SWT1: variants seen among roughly 807,000 people sequenced by gnomAD.
SWT1 encodes the protein SWT1 RNA endoribonuclease homolog.
Under a neutral mutation model 107.3 loss-of-function variants are expected in SWT1, and 33 were observed. The ratio of observed to expected loss-of-function variants is 0.31; its 90% CI spans 0.23 to 0.41. The LOEUF (loss-of-function observed/expected upper bound fraction) is 0.41. Ranked by LOEUF, SWT1 falls within the 10% of genes least tolerant of loss-of-function variation. The pLI, the probability that SWT1 is intolerant of heterozygous loss-of-function variation, is 1.00. For missense variants in SWT1, 898 were observed against 1,028.9 expected (o/e 0.87, Z 1.74); for synonymous variants, 345 against 348.3 (o/e 0.99, Z 0.11).
intron 12 of SWT1, 23 bp from the exon 13 acceptor site, chr1:185,206,602 A>AT (rs764327976): frequency 7.1e-7 from 1 of 1,409,320 alleles, no homozygotes; most frequent in Non-Finnish European, 9.4e-7. Flanking sequence ...AGAGATGTTA[A>AT]TTTTTTTCTA....
intron 6 of SWT1, 133 bp downstream of exon 6, chr1:185,180,583 T>G: frequency 1.4e-6 from 1 of 694,864 alleles, no homozygotes; most frequent in Non-Finnish European, 2.4e-6. Flanking sequence ...AATCAATATG[T>G]AAGGTTTTAT....
intron 16 of SWT1, chr1:185,257,836 T>C (rs1317798757): frequency 6.6e-6 from 1 of 152,266 alleles, no homozygotes; most frequent in Non-Finnish European, 1.5e-5. Context: ...TGATTATTGG[T>C]ATATTGTATT....
chr1:185,254,615 T>A (rs1269167820), intron 16 of SWT1, among the ~76,000 whole-genome samples: 2 of 150,866 alleles, frequency 1.3e-5, no homozygotes, highest in Non-Finnish European at 3.0e-5. Context: ...TCTGTGGGAT[T>A]GGTGGTGATA....
chr1:185,270,206 C>G (rs1320345908), intron 16 of SWT1, among the ~76,000 whole-genome samples: 2 of 150,552 alleles, frequency 1.3e-5, no homozygotes, highest in East Asian at 3.9e-4. Flanking sequence ...GGTCACACAG[C>G]TAGACAAAAC....
chr1:185,259,663 A>G (rs1662886476), intron 16 of SWT1, among the ~76,000 whole-genome samples: 1 of 152,084 alleles, frequency 6.6e-6, no homozygotes. Flanking sequence ...TCCTGGGGAC[A>G]TTGACCTTAA....
intron 11 of SWT1, 130 bp downstream of exon 11, chr1:185,202,929 C>G: frequency 2.2e-6 from 1 of 458,482 alleles, no homozygotes; most frequent in Non-Finnish European, 3.7e-6. Context: ...TACTTGCTGG[C>G]ATGTAAGTCA....
At chr1:185,192,065 A>G (rs575030195) in intron 10 of SWT1, among the ~76,000 whole-genome samples, 1 of 152,296 alleles carries the variant, frequency 6.6e-6, no homozygotes, top group East Asian at 1.9e-4. Context: ...CTTAAAATGG[A>G]TGATGATAAT....
chr1:185,201,731 TCC>T (rs966339297), intron 10 of SWT1, among the ~76,000 whole-genome samples: 2 of 152,194 alleles, frequency 1.3e-5, no homozygotes, highest in African/African-American at 4.8e-5. Flanking sequence ...GAGCACTCTC[TCC>T]CTTAACTTTC....
chr1:185,187,761 T>C (rs1361844680), intron 9 of SWT1, among the ~76,000 whole-genome samples: 1 of 152,194 alleles, frequency 6.6e-6, no homozygotes, highest in Non-Finnish European at 1.5e-5. Context: ...CTCAGCTCAC[T>C]GCAATCTCCG....
intron 18 of SWT1, among the ~76,000 whole-genome samples, chr1:185,288,007 T>A (rs1410517016): frequency 2.0e-5 from 3 of 152,190 alleles, no homozygotes; most frequent in Non-Finnish European, 4.4e-5. Flanking sequence ...CTGAAGGATA[T>A]TTTTTTCACA....
intron 9 of SWT1, 113 bp downstream of exon 9, chr1:185,185,044 A>T: frequency 1.4e-6 from 1 of 696,002 alleles, no homozygotes; most frequent in Non-Finnish European, 2.2e-6. Context: ...TTGGAATGTG[A>T]AATGGAAGGG....
intron 16 of SWT1, among the ~76,000 whole-genome samples, chr1:185,254,647 G>T (rs1413983010): frequency 2.0e-5 from 3 of 151,920 alleles, no homozygotes; most frequent in Admixed American, 2.0e-4. Context: ...ATTTTTTATT[G>T]TGTCTATTTG....
chr1:185,169,799 G>A (rs1276661878), intron 4 of SWT1, among the ~76,000 whole-genome samples: 1 of 149,154 alleles, frequency 6.7e-6, no homozygotes, highest in Non-Finnish European at 1.5e-5. Flanking sequence ...TTTTTTTACA[G>A]CTAAACTAAA....
intron 16 of SWT1, among the ~76,000 whole-genome samples, chr1:185,238,716 AT>A (rs991404610): frequency 1.0e-3 from 156 of 149,174 alleles, no homozygotes; most frequent in East Asian, 2.9e-3. Flanking sequence ...AAAATTGTGA[AT>A]TTTTTTTTTT....
chr1:185,290,201 C>T (rs549629110), intron 18 of SWT1, among the ~76,000 whole-genome samples: 1 of 152,214 alleles, frequency 6.6e-6, no homozygotes, highest in South Asian at 2.1e-4. Flanking sequence ...CACTTGAGCC[C>T]AGGAGGTTGA....
chr1:185,248,577 C>T (rs952825834), intron 16 of SWT1, among the ~76,000 whole-genome samples: 1 of 152,104 alleles, frequency 6.6e-6, no homozygotes, highest in Non-Finnish European at 1.5e-5. Context: ...TACACTCCCC[C>T]TCTGGTCTGT....
intron 14 of SWT1, among the ~76,000 whole-genome samples, chr1:185,219,422 G>T (rs937289336): frequency 2.0e-5 from 3 of 152,012 alleles, no homozygotes; most frequent in African/African-American, 7.2e-5. Flanking sequence ...CATAACAAAT[G>T]CTCAATAAAT....
At chr1:185,202,574 A>T (rs1220525865) in intron 10 of SWT1, 80 bp from the exon 11 acceptor site, 5 of 1,221,962 alleles carry the variant, frequency 4.1e-6, no homozygotes, top group Non-Finnish European at 5.9e-6. Flanking sequence ...CTCTGACTAG[A>T]TCTCATGTGT....
At chr1:185,172,204 A>G (rs943844505) in intron 4 of SWT1, among the ~76,000 whole-genome samples, 4 of 152,190 alleles carry the variant, frequency 2.6e-5, no homozygotes, top group Non-Finnish European at 4.4e-5. Flanking sequence ...TCTCACTACA[A>G]AGTAATATCT....
Sources: gnomAD v4.1 joint callset for allele counts (sites outside exome capture counted in the v4.1 genomes callset) on GRCh38, gnomAD v4.1.1 for gene constraint, MANE v1.5 for transcripts, NCBI Gene and HGNC (gene_info 2026-07-23, HGNC 2026-07-21) for gene names.